The following ZC3HC1 variants were observed in gnomAD, a reference collection of about 807,000 sequenced individuals.
ZC3HC1 encodes zinc finger C3HC-type containing 1.
Under a neutral mutation model 61.9 loss-of-function variants are expected in ZC3HC1, and 38 were observed. The observed-to-expected ratio is 0.61, with a 90% CI of 0.47 to 0.81. ZC3HC1 has a LOEUF of 0.81. Among genes scored for constraint, ZC3HC1 ranks in the 30% least tolerant of loss-of-function variants. ZC3HC1 has a pLI of 0.00. For synonymous variants in ZC3HC1, 213 were observed against 229.9 expected (o/e 0.93, Z 0.67); for missense variants, 554 against 622.7 (o/e 0.89, Z 1.17).
rs1794564055 is a variant in ZC3HC1 at position 130,039,527 on chromosome 7, G to A, written c.430C>T (p.Leu144=). The A allele has an allele frequency of 6.2e-7, 1 of 1,611,972 alleles. No individual in the cohort carries two copies. The highest frequency in any genetic ancestry group is 2.2e-5 in the East Asian group (1 of 44,856). The part of the protein sequence containing the change: ...FDRYKQRCAE[L]KKALCTAHEK... ...TGGGCAGTACACAAGGCTTTCTTCA[G>A]CTCAGCACATCGTTGCTTATCTGAA... Residue 144 remains leucine (L), a synonymous_variant, in exon 4 of 10, where the codon CTG becomes TTG. Transcript: ENST00000358303.
Position 130,049,146 on chromosome 7 carries a change from T to C in ZC3HC1, c.147-2A>G. 1 of 1,588,084 alleles carries C rather than the reference T, an allele frequency of 6.3e-7. No individual in the cohort carries two copies. Among genetic ancestry groups the C allele is most frequent in the Admixed American group, 1.8e-5 (1 of 55,582 alleles). On this transcript the variant is annotated splice_acceptor_variant, in intron 1 of 9. Transcript: ENST00000358303. LOFTEE classifies it high-confidence loss of function. The stretch of plus-strand genomic sequence containing the variant: ...TGGGATGTGGCAGACGTGTCCTTCC[T>C]AATATAAAGTGGCAAAACTGTTGGT...
chr7:130,047,618 C>T (rs1295237930), intron 2 of ZC3HC1, among the ~76,000 whole-genome samples: 1 of 145,640 alleles, frequency 6.9e-6, no homozygotes, highest in South Asian at 2.2e-4. Flanking sequence ...CCTGCCTGGG[C>T]AACATAGCAA....
At position 130,018,418 on chromosome 7, in the gene ZC3HC1, AT is replaced by A. The variant is rs1293146450; in HGVS notation, c.*245del. On this transcript the variant is annotated 3_prime_UTR_variant, in exon 10 of 10. Transcript: ENST00000358303. ...CCTTAGTCTTCCTTCTAGTCTGTTA[AT>A]CCCACACTCCTTTAACAGAACCATG... 4.1e-5 allele frequency: 18 copies of A among 440,760 alleles called. No individual in the cohort carries two copies. The highest frequency in any genetic ancestry group is 1.1e-3 in the Middle Eastern group (2 of 1,766). 27.3% of individuals were successfully genotyped at this position (440,760 alleles called of 1,614,324 possible).
chr7:130,034,095 C>T (rs999280768), intron 4 of ZC3HC1, among the ~76,000 whole-genome samples: 1 of 151,846 alleles, frequency 6.6e-6, no homozygotes, highest in Admixed American at 6.6e-5. Context: ...TGCTAGGTTT[C>T]TATTTTAACA....
chr7:130,029,104 C>T lies in ZC3HC1; in HGVS notation c.494-75G>A, dbSNP rs1281847151. On this transcript the variant is annotated intron_variant, in intron 4 of 9. Coordinates refer to ENST00000358303, the MANE Select transcript of ZC3HC1 (RefSeq NM_016478.5). ...TAAAAAACACGGCTGGGCATGGTGG[C>T]TCATACCTGTAATCCCAGCACTTTG... 3 of 1,479,170 alleles carry T rather than the reference C, an allele frequency of 2.0e-6. No homozygotes were observed. In the East Asian group the frequency reaches 8.1e-5, roughly 40 times the overall value. The allele number at this position is 1,479,170 out of a possible 1,614,324, so 91.6% of individuals were successfully genotyped here.
intron 5 of ZC3HC1, among the ~76,000 whole-genome samples, chr7:130,028,127 T>C (rs541941109): frequency 1.0e-3 from 110 of 108,150 alleles, no homozygotes; most frequent in African/African-American, 3.7e-3. Flanking sequence ...AGATCACCAC[T>C]GTACTACAGC....
At chr7:130,030,017 G>A (rs944364964) in intron 4 of ZC3HC1, among the ~76,000 whole-genome samples, 5 of 152,154 alleles carry the variant, frequency 3.3e-5, no homozygotes, top group African/African-American at 1.2e-4. Flanking sequence ...TCTAAGCAGT[G>A]TGGAAACTGA....
At chr7:130,045,517 A>T in intron 2 of ZC3HC1, 1 of 457,596 alleles carries the variant, frequency 2.2e-6, no homozygotes, top group South Asian at 1.5e-5. Context: ...CAGCCCAGAG[A>T]AGAATTTGCC....
chr7:130,050,587 G>T, intron 1 of ZC3HC1: 2 of 1,161,652 alleles, frequency 1.7e-6, no homozygotes, highest in Non-Finnish European at 2.3e-6. Context: ...CTTCAATTAT[G>T]AATGAAGGTA....
chr7:130,023,561 T>C lies in ZC3HC1; in HGVS notation c.1183A>G (p.Ser395Gly). 1 of 1,614,144 alleles carries C rather than the reference T, an allele frequency of 6.2e-7. No individual in the cohort carries two copies. The highest frequency in any genetic ancestry group is 8.5e-7 in the Non-Finnish European group (1 of 1,180,040). Residue 395 changes from serine (S) to glycine (G), a missense_variant, in exon 8 of 10, where the codon AGC becomes GGC. Ser to Gly is a moderately conservative substitution (Grantham distance 56). Transcript: ENST00000358303. This position sits in a 1 kb window ranked among gnomAD's most constrained non-coding sequence, Gnocchi z 4.2. ...GCTCGCTTGGCTTTCCGCAGAGGGCTAGATGGTACCTCCAGGCCAGGGGTG... is the reference window on the plus strand; with the variant it reads ...GCTCGCTTGGCTTTCCGCAGAGGGCCAGATGGTACCTCCAGGCCAGGGGTG... The part of the protein sequence containing the change: ...GDTPGLEVPS[S>G]PLRKAKRARL...
intron 4 of ZC3HC1, among the ~76,000 whole-genome samples, chr7:130,029,389 A>T (rs1397012240): frequency 6.6e-6 from 1 of 152,122 alleles, no homozygotes; most frequent in Non-Finnish European, 1.5e-5. Context: ...AATAATAATA[A>T]AATAAAATAA....
chr7:130,044,118 T>C (rs989436669), intron 2 of ZC3HC1, among the ~76,000 whole-genome samples: 3 of 152,104 alleles, frequency 2.0e-5, no homozygotes, highest in Non-Finnish European at 4.4e-5. Flanking sequence ...TCTAGCTTTT[T>C]CCTCTGAGAG....
intron 4 of ZC3HC1, 108 bp from the exon 5 acceptor site, chr7:130,029,137 G>T: frequency 3.2e-6 from 4 of 1,245,294 alleles, no homozygotes; most frequent in Non-Finnish European, 4.3e-6. Context: ...TTGGAAGGCC[G>T]AGGCGGGCGG....
Position 130,023,801 on chromosome 7 carries a change from T to A in ZC3HC1, c.1021-78A>T, listed in dbSNP as rs1265092065. ...TCAGAAATACTTCTTTCTTTAATCTTTTTTCTTTTTTTTTTTGAGACAGAG... is the reference window on the plus strand; with the variant it reads ...TCAGAAATACTTCTTTCTTTAATCTATTTTCTTTTTTTTTTTGAGACAGAG... On this transcript the variant is annotated intron_variant, in intron 7 of 9. Coordinates refer to ENST00000358303, the MANE Select transcript of ZC3HC1 (RefSeq NM_016478.5). The surrounding 1 kb of genome is among the most constrained non-coding windows in gnomAD (Gnocchi z 4.2). 2 of 1,271,648 alleles carry A rather than the reference T, an allele frequency of 1.6e-6. No homozygotes were observed. The highest frequency in any genetic ancestry group is 1.5e-5 in the African/African-American group (1 of 66,132). 78.8% of individuals were successfully genotyped at this position (1,271,648 alleles called of 1,614,324 possible).
In ZC3HC1 at chr7:130,051,210, C is replaced by T; in HGVS notation, c.146+11G>A. ...TCCAACGCCGGACCCAGGGTTAACT[C>T]GTGAACTCACGCGTCCACGCCTCCC... On this transcript the variant is annotated intron_variant, in intron 1 of 9. Coordinates refer to ENST00000358303, the MANE Select transcript of ZC3HC1 (RefSeq NM_016478.5). 6.2e-7 allele frequency: 1 copy of T among 1,603,128 alleles called. No homozygotes were observed. The highest frequency in any genetic ancestry group is 1.3e-5 in the African/African-American group (1 of 74,334).
rs1794560973 is a variant in ZC3HC1, at chr7:130,039,472, G to A, written c.485C>T (p.Pro162Leu). The change falls in exon 4 of 10, where the codon CCA (proline) becomes CTA (leucine). Residue 162 changes from proline (P) to leucine (L), a missense_variant. Pro to Leu is a moderately conservative substitution (Grantham distance 98, BLOSUM62 -3). Transcript: ENST00000358303. Reference protein sequence around the residue: ...HEKFCFWPDSPSPDRFGMLPL... With the variant: ...HEKFCFWPDSLSPDRFGMLPL... ...TTCTCAAAAATAAGTACCTGGGGAT[G>A]GGCTGTCTGGCCAGAAACAGAACTT... 1 of 1,611,486 alleles carries A rather than the reference G, an allele frequency of 6.2e-7. No homozygotes were observed. The highest frequency in any genetic ancestry group is 8.5e-7 in the Non-Finnish European group (1 of 1,179,178).
intron 6 of ZC3HC1, among the ~76,000 whole-genome samples, chr7:130,024,894 CTTTTTTTTTTTT>C (rs544256735): frequency 4.0e-4 from 15 of 37,056 alleles, no homozygotes; most frequent in South Asian, 2.4e-3. Context: ...TCCTGTCCCT[CTTTTTTTTTTTT>C]TTTTTTTTTT....
intron 4 of ZC3HC1, among the ~76,000 whole-genome samples, chr7:130,035,074 C>T (rs1369344806): frequency 6.6e-6 from 1 of 151,948 alleles, no homozygotes; most frequent in East Asian, 1.9e-4. Flanking sequence ...TTTGCTTTTA[C>T]CCACTGTTGC....
intron 4 of ZC3HC1, among the ~76,000 whole-genome samples, chr7:130,035,021 T>G (rs1206227193): frequency 6.6e-6 from 1 of 152,188 alleles, no homozygotes; most frequent in Non-Finnish European, 1.5e-5. Flanking sequence ...GCCAGCCCTG[T>G]GAAACTATTA....
Sources: gnomAD v4.1 joint callset for allele counts (sites outside exome capture counted in the v4.1 genomes callset) on GRCh38, gnomAD v4.1.1 for gene constraint, Gnocchi (gnomAD v3.1) non-coding constraint, MANE v1.5 for transcripts, NCBI Gene and HGNC (gene_info 2026-07-23, HGNC 2026-07-21) for gene names.